Variants in PANK1 observed in about 807,000 individuals in gnomAD.
The protein encoded by PANK1 is pantothenic acid kinase 1.
PANK1 carries 18 observed loss-of-function variants against 40.1 expected under a neutral mutation model. The observed-to-expected ratio is 0.45, with a 90% confidence interval of 0.31 to 0.67. The LOEUF (loss-of-function observed/expected upper bound fraction) is 0.67. Ranked by LOEUF, PANK1 falls within the 30% of genes least tolerant of loss-of-function variation. PANK1 has a pLI of 0.06. For synonymous variants in PANK1, 242 were observed against 237.7 expected (o/e 1.02, Z -0.17); for missense variants, 457 against 599.6 (o/e 0.76, Z 2.48).
intron 2 of PANK1, among the ~76,000 whole-genome samples, chr10:89,609,400 T>C (rs1288892440): frequency 6.6e-6 from 1 of 152,176 alleles, no homozygotes; most frequent in South Asian, 2.1e-4. Flanking sequence ...TTGATTGTCT[T>C]CCCCCACTAG....
At chr10:89,631,977 T>TGTG (rs769932277) in intron 1 of PANK1, among the ~76,000 whole-genome samples, 49 of 16,366 alleles carry the variant, frequency 3.0e-3, no homozygotes, top group African/African-American at 0.012. Flanking sequence ...TGTGTGTGTG[T>TGTG]TTTTTTTTTT....
At chr10:89,636,418 G>C (rs529099646) in intron 1 of PANK1, among the ~76,000 whole-genome samples, 23 of 151,966 alleles carry the variant, frequency 1.5e-4, no homozygotes, top group African/African-American at 5.1e-4. Flanking sequence ...CTCACTGCAG[G>C]CTCGGCCCCC....
chr10:89,595,205 C>T (rs192940247), intron 3 of PANK1, among the ~76,000 whole-genome samples: 5 of 152,298 alleles, frequency 3.3e-5, no homozygotes, highest in South Asian at 4.1e-4. Context: ...AATACCAGCA[C>T]TTTGGGAGGC....
At chr10:89,589,413 G>A (rs1037465279) in intron 5 of PANK1, among the ~76,000 whole-genome samples, 20 of 151,936 alleles carry the variant, frequency 1.3e-4, no homozygotes, top group South Asian at 6.2e-4. Context: ...TCTCCTATCC[G>A]GTTCATGCAG....
intron 5 of PANK1, 37 bp from the exon 6 acceptor site, chr10:89,588,814 C>A: frequency 6.6e-7 from 1 of 1,509,420 alleles, no homozygotes. Flanking sequence ...TGAATCATGG[C>A]ATAAAAATAG....
intron 2 of PANK1, among the ~76,000 whole-genome samples, chr10:89,604,744 T>G (rs1228892817): frequency 6.8e-6 from 1 of 147,480 alleles, no homozygotes; most frequent in Non-Finnish European, 1.5e-5. Context: ...GTCTATCAAG[T>G]GTGCAATAGC....
At chr10:89,617,899 C>T (rs1340075744) in intron 1 of PANK1, among the ~76,000 whole-genome samples, 1 of 152,188 alleles carries the variant, frequency 6.6e-6, no homozygotes, top group Admixed American at 6.5e-5. Context: ...CAATCTCACA[C>T]CTAAAACAGC....
chr10:89,614,254 GACA>G lies in PANK1; in HGVS notation c.293-2209_293-2207del, dbSNP rs1051731949. On this transcript the variant is annotated intron_variant, in intron 1 of 6. Coordinates refer to ENST00000307534, the MANE Select transcript of PANK1 (RefSeq NM_148977.3). ...TTGGAACATTGCTGGGAAATATTTT[GACA>G]ACATCTATTACAATTGAAAGTACAC... Among the ~76,000 whole-genome samples the G allele has an allele frequency of 1.2e-3, 190 of 152,210 alleles. 1 individual carries two copies. Among genetic ancestry groups the G allele is most frequent in the African/African-American group, 4.6e-3 (189 of 41,518 alleles).
At chr10:89,580,824 T>C (rs990895129), downstream of PANK1, 2 of 152,098 alleles carry the variant, frequency 1.3e-5, no homozygotes, top group Non-Finnish European at 2.9e-5. Flanking sequence ...TTGCCAGGAG[T>C]GAAAAATATT....
intron 2 of PANK1, 143 bp downstream of exon 2, chr10:89,611,553 T>A (rs1251966698): frequency 1.6e-6 from 1 of 619,596 alleles, no homozygotes; most frequent in African/African-American, 1.8e-5. Flanking sequence ...TATTCTTGTA[T>A]AGGTGAGAAA....
chr10:89,590,437 TA>T (rs1444730144), intron 5 of PANK1, among the ~76,000 whole-genome samples: 1 of 152,194 alleles, frequency 6.6e-6, no homozygotes, highest in Non-Finnish European at 1.5e-5. Flanking sequence ...TGTACCGTTA[TA>T]ACCCTGCTTG....
intron 1 of PANK1, among the ~76,000 whole-genome samples, chr10:89,621,880 A>G (rs1698545801): frequency 6.6e-6 from 1 of 152,110 alleles, no homozygotes; most frequent in Admixed American, 6.5e-5. Flanking sequence ...CGCCTTGCTA[A>G]TTTTTGTAGT....
At position 89,644,659 on chromosome 10, in the gene PANK1, G is replaced by A; in HGVS notation, c.233C>T (p.Ser78Phe). 1 of 1,574,908 alleles carries A rather than the reference G, an allele frequency of 6.3e-7. No homozygotes were observed. The highest frequency in any genetic ancestry group is 8.6e-7 in the Non-Finnish European group (1 of 1,166,504). Residue 78 changes from serine (S) to phenylalanine (F), a missense_variant, in exon 1 of 7, where the codon TCC (serine) becomes TTC (phenylalanine). Around this residue, in one of 4 missense-constraint regions of PANK1, gnomAD observed 144 missense variants for 131.2 expected, o/e 1.10. Transcript: ENST00000307534. ...QPQPLLPQHD[S>F]PAKKCRLRRR... ...CCGCAGCCGGCATTTCTTGGCCGGG[G>A]AGTCATGCTGAGGGAGCAGTGGCTG...
intron 1 of PANK1, among the ~76,000 whole-genome samples, chr10:89,636,316 G>GTTGTTA (rs1554843169): frequency 1.6e-5 from 1 of 63,938 alleles, no homozygotes. Context: ...TGCATCCACA[G>GTTGTTA]TTATTATTAT....
chr10:89,599,427 A>G lies in PANK1; in HGVS notation c.724T>C (p.Phe242Leu). 6.2e-7 allele frequency: 1 copy of G among 1,613,912 alleles called. No homozygotes were observed. Among genetic ancestry groups the G allele is most frequent in the Non-Finnish European group, 8.5e-7 (1 of 1,179,766 alleles). Residue 242 changes from phenylalanine to leucine, a missense_variant, in exon 3 of 7, where the codon TTC becomes CTC. Phe to Leu is a conservative substitution (Grantham distance 22). Around this residue, in one of 4 missense-constraint regions of PANK1, gnomAD observed 286 missense variants for 415.8 expected, o/e 0.69. Coordinates refer to ENST00000307534, the MANE Select transcript of PANK1 (RefSeq NM_148977.3). Reference protein sequence around the residue: ...QGLLYVDSVGFNGKPECYYFE... With the variant: ...QGLLYVDSVGLNGKPECYYFE... ...TAGTAACATTCTGGCTTGCCGTTGA[A>G]GCCAACAGAGTCGACATAAAGCAGG...
intron 1 of PANK1, among the ~76,000 whole-genome samples, chr10:89,639,394 CAT>C (rs1841908139): frequency 6.6e-6 from 1 of 152,224 alleles, no homozygotes; most frequent in Non-Finnish European, 1.5e-5. Flanking sequence ...ATTTCCAACA[CAT>C]GAGTTCTGGG....
intron 1 of PANK1, among the ~76,000 whole-genome samples, chr10:89,627,247 T>A (rs539243593): frequency 2.1e-5 from 3 of 140,444 alleles, no homozygotes; most frequent in South Asian, 4.7e-4. Flanking sequence ...AAAAAAAAAA[T>A]TCCACGAAGT....
chr10:89,614,365 G>A (rs937919804), intron 1 of PANK1, among the ~76,000 whole-genome samples: 59 of 152,274 alleles, frequency 3.9e-4, no homozygotes, highest in African/African-American at 1.2e-3. Context: ...AATGTTCACC[G>A]CAGCATCTTT....
In PANK1 at chr10:89,620,254, C is replaced by T. The variant is rs145307648; in HGVS notation, c.293-8206G>A. ...ATTTTCAGGGAACAAGGGAGATAAC[C>T]GTAAGGCCAAACTGCCTGCAGGGCT... On this transcript the variant is annotated intron_variant, in intron 1 of 6. Transcript: ENST00000307534. Among the ~76,000 whole-genome samples, 18 of 152,180 alleles carry T rather than the reference C, an allele frequency of 1.2e-4. No homozygotes were observed. In the East Asian group the frequency reaches 3.1e-3, roughly 26 times the overall value.
Sources: gnomAD v4.1 joint callset for allele counts (sites outside exome capture counted in the v4.1 genomes callset) on GRCh38, gnomAD v4.1.1 for gene constraint, gnomAD v4.1.1 regional missense constraint, MANE v1.5 for transcripts, NCBI Gene and HGNC (gene_info 2026-07-23, HGNC 2026-07-21) for gene names.